Variants in CNTN3 observed in about 807,000 individuals in gnomAD.
The protein encoded by CNTN3 is contactin-3.
A neutral mutation model predicts 119.1 loss-of-function variants in CNTN3; 60 were observed. That is an observed-to-expected ratio of 0.50 (90% CI 0.41 to 0.62). The LOEUF (loss-of-function observed/expected upper bound fraction) is 0.62, where lower values mean the gene tolerates loss of function less well. Among genes scored for constraint, CNTN3 ranks in the 20% least tolerant of loss-of-function variants. CNTN3 has a pLI of 0.00. For missense variants in CNTN3, 1,101 were observed against 1,242.4 expected, an observed-to-expected ratio of 0.89 and a Z score of 1.71; for synonymous variants, 450 against 438.7, an observed-to-expected ratio of 1.03 and a Z score of -0.32.
chr3:74,491,150 A>T (rs1407946307), intron 3 of CNTN3, among the ~76,000 whole-genome samples: 3 of 152,160 alleles, frequency 2.0e-5, no homozygotes, highest in African/African-American at 7.2e-5. Context: ...CCAATGCAAA[A>T]TACTCATATT....
At chr3:74,526,277 G>A (rs1268712767) in intron 1 of CNTN3, among the ~76,000 whole-genome samples, 3 of 151,580 alleles carry the variant, frequency 2.0e-5, no homozygotes, top group African/African-American at 4.8e-5. Context: ...AATTATTAGT[G>A]GATAAAAGTT....
At chr3:74,344,397 G>GTTTTT (rs1156579949) in intron 11 of CNTN3, among the ~76,000 whole-genome samples, 1 of 32,568 alleles carries the variant, frequency 3.1e-5, no homozygotes, top group Non-Finnish European at 7.2e-5. Context: ...TTACACAGTG[G>GTTTTT]TTTTTTTTTT....
chr3:74,415,883 A>T (rs1018410014), intron 5 of CNTN3, among the ~76,000 whole-genome samples: 2 of 152,210 alleles, frequency 1.3e-5, no homozygotes, highest in Admixed American at 1.3e-4. Flanking sequence ...CTTACAGGTC[A>T]AATATCAAAC....
chr3:74,593,352 G>A (rs1704736401), intron 1 of CNTN3, among the ~76,000 whole-genome samples: 1 of 151,914 alleles, frequency 6.6e-6, no homozygotes, highest in Non-Finnish European at 1.5e-5. Context: ...ACAGCTTCTG[G>A]TACAAAGGTG....
intron 11 of CNTN3, among the ~76,000 whole-genome samples, chr3:74,347,416 C>A (rs1051074899): frequency 7.2e-5 from 11 of 152,002 alleles, no homozygotes; most frequent in Admixed American, 3.3e-4. Flanking sequence ...TAATTTTTTA[C>A]ACTTCTTGCA....
intron 19 of CNTN3, among the ~76,000 whole-genome samples, chr3:74,290,352 A>G (rs540568102): frequency 6.6e-6 from 1 of 152,350 alleles, no homozygotes; most frequent in Non-Finnish European, 1.5e-5. Flanking sequence ...TAGAAAAGGT[A>G]AAGTAAAATT....
In CNTN3 at chr3:74,317,957, T is replaced by C. The variant is rs902313763; in HGVS notation, c.1669-15150A>G. On this transcript the variant is annotated intron_variant, in intron 13 of 22. Coordinates refer to ENST00000263665, the MANE Select transcript of CNTN3 (RefSeq NM_020872.3). ...TTTTCCAACTTGGTTCCATTCTCCC[T>C]GTCACTTTCATGTACACCAATCAGA... Among the ~76,000 whole-genome samples, 142 of 152,204 alleles carry C rather than the reference T, an allele frequency of 9.3e-4. 2 individuals are homozygous for C. The highest frequency in any genetic ancestry group is 7.2e-3 in the Admixed American group (110 of 15,274).
At chr3:74,393,507 G>T (rs7621109) in intron 5 of CNTN3, among the ~76,000 whole-genome samples, 2 of 151,960 alleles carry the variant, frequency 1.3e-5, no homozygotes, top group Non-Finnish European at 2.9e-5. Context: ...ATGATTTGCA[G>T]AGGGAGTGTT....
intron 4 of CNTN3, among the ~76,000 whole-genome samples, chr3:74,477,207 C>T (rs1459766741): frequency 1.3e-5 from 2 of 152,138 alleles, no homozygotes; most frequent in Non-Finnish European, 2.9e-5. Context: ...CCTGTCTGTA[C>T]AGAAGAAGAA....
At chr3:74,428,012 G>T (rs1422313172) in intron 4 of CNTN3, among the ~76,000 whole-genome samples, 1 of 151,976 alleles carries the variant, frequency 6.6e-6, no homozygotes, top group African/African-American at 2.4e-5. Context: ...GTAAATGCTG[G>T]ACCACATATA....
chr3:74,325,464 T>C (rs1213560582), intron 13 of CNTN3, among the ~76,000 whole-genome samples: 1 of 151,762 alleles, frequency 6.6e-6, no homozygotes, highest in Non-Finnish European at 1.5e-5. Context: ...AAATGAGAGG[T>C]TGGGGGTAAT....
At chr3:74,300,433 G>A (rs1290082081) in intron 16 of CNTN3, among the ~76,000 whole-genome samples, 1 of 152,194 alleles carries the variant, frequency 6.6e-6, no homozygotes, top group African/African-American at 2.4e-5. Context: ...TCTAGGCTTA[G>A]TGAACCCCAT....
chr3:74,435,769 A>T (rs1010660812), intron 4 of CNTN3, among the ~76,000 whole-genome samples: 7 of 152,192 alleles, frequency 4.6e-5, no homozygotes, highest in African/African-American at 1.7e-4. Flanking sequence ...GAATGTGACT[A>T]ACATGATGCA....
At position 74,446,246 on chromosome 3, in the gene CNTN3, C is replaced by T. The variant is rs143112011; in HGVS notation, c.359-21306G>A. On this transcript the variant is annotated intron_variant, in intron 4 of 22. Coordinates refer to ENST00000263665, the MANE Select transcript of CNTN3 (RefSeq NM_020872.3). ...ACCTCAGGAGGTTTTTAAGAAGCAA[C>T]AACAAAAATAGCATATGTGAAATTT... is the stretch of plus-strand genomic sequence containing the variant. 2.0e-5 allele frequency among the ~76,000 whole-genome samples: 3 copies of T among 152,156 alleles called. No individual in the cohort carries two copies. The East Asian group carries it at 5.8e-4, about 29-fold the overall frequency.
At chr3:74,345,466 C>A (rs2106735489) in intron 11 of CNTN3, among the ~76,000 whole-genome samples, 1 of 152,286 alleles carries the variant, frequency 6.6e-6, no homozygotes, top group Non-Finnish European at 1.5e-5. Context: ...CTTCTAAAAA[C>A]ATACGTGAGA....
At chr3:74,338,353 A>C (rs1703445044) in intron 11 of CNTN3, among the ~76,000 whole-genome samples, 1 of 149,484 alleles carries the variant, frequency 6.7e-6, no homozygotes, top group South Asian at 2.1e-4. Flanking sequence ...AAAAATGTAT[A>C]AGATAGATTT....
chr3:74,515,301 C>T (rs1180572624), intron 2 of CNTN3, among the ~76,000 whole-genome samples: 1 of 151,998 alleles, frequency 6.6e-6, no homozygotes, highest in Admixed American at 6.6e-5. Flanking sequence ...ACAGGGCCCA[C>T]CTCTGAAGAT....
chr3:74,539,423 A>G (rs1703810164), intron 1 of CNTN3, among the ~76,000 whole-genome samples: 1 of 152,090 alleles, frequency 6.6e-6, no homozygotes, highest in Non-Finnish European at 1.5e-5. Flanking sequence ...TCCCATTTAC[A>G]AAGAAGGAAA....
chr3:74,429,799 T>C (rs1208171920), intron 4 of CNTN3, among the ~76,000 whole-genome samples: 5 of 151,954 alleles, frequency 3.3e-5, no homozygotes, highest in South Asian at 4.1e-4. Flanking sequence ...GTATAAAACA[T>C]ACGATTCCAT....
Sources: gnomAD v4.1 joint callset for allele counts (sites outside exome capture counted in the v4.1 genomes callset) on GRCh38, gnomAD v4.1.1 for gene constraint, MANE v1.5 for transcripts, NCBI Gene and HGNC (gene_info 2026-07-23, HGNC 2026-07-21) for gene names.